Variants in DDX60L observed in about 807,000 individuals in gnomAD.
DDX60L encodes probable ATP-dependent RNA helicase DDX60-like.
A neutral mutation model predicts 211.6 loss-of-function variants in DDX60L; 191 were observed. The observed-to-expected ratio is 0.90, with a 90% CI of 0.80 to 1.02. The LOEUF (loss-of-function observed/expected upper bound fraction) is 1.02. DDX60L is among the 50% of genes least tolerant of loss of function. DDX60L has a pLI of 0.00. For missense variants in DDX60L, 2,007 were observed against 1,984.1 expected, an observed-to-expected ratio of 1.01 and a Z score of -0.22; for synonymous variants, 706 against 694.1, an observed-to-expected ratio of 1.02 and a Z score of -0.27.
intron 36 of DDX60L, among the ~76,000 whole-genome samples, chr4:168,364,738 G>A (rs114711926): frequency 0.013 from 2,009 of 152,124 alleles, 23 homozygotes; most frequent in Middle Eastern, 0.034. Context: ...TTTCTCAACC[G>A]TACATGGAAC....
At chr4:168,471,960 A>T in intron 3 of DDX60L, 24 bp from the exon 4 acceptor site, 1 of 1,526,806 alleles carries the variant, frequency 6.5e-7, no homozygotes, top group Non-Finnish European at 8.9e-7. Flanking sequence ...CAAAGAGAAT[A>T]AAAATCACAG....
rs749830333 is a variant in DDX60L, at chr4:168,394,547, C to A, written c.3728G>T (p.Arg1243Met). Residue 1243 changes from arginine (R) to methionine (M), a missense_variant, in exon 28 of 38, where the codon AGG (arginine) becomes ATG (methionine). Coordinates refer to ENST00000682922, the MANE Select transcript of DDX60L (RefSeq NM_001012967.3). The stretch of plus-strand genomic sequence containing the variant: ...GCTGCTGTGATGATATCCAATCCCC[C>A]TTTGTGCTAAAGCCTTCAGTTCTTT... ...HGKELKALAQ[R>M]GIGYHHSSMY... 3.1e-6 allele frequency: 5 copies of A among 1,613,626 alleles called. No individual in the cohort carries two copies. Among genetic ancestry groups the A allele is most frequent in the Non-Finnish European group, 4.2e-6 (5 of 1,179,702 alleles).
At position 168,428,774 on chromosome 4, in the gene DDX60L, C is replaced by T. The variant is rs2634972; in HGVS notation, c.1678-1452G>A. On this transcript the variant is annotated intron_variant, in intron 13 of 37. Transcript: ENST00000682922. ...GAATGATCGCAAAGTAGTACCTTCC[C>T]AAGCAGAACCATAAAATCTACCGTT... Among the ~76,000 whole-genome samples, 1,150 of 152,262 alleles carry T rather than the reference C, an allele frequency of 7.6e-3. 17 individuals carry two copies. Among genetic ancestry groups the T allele is most frequent in the African/African-American group, 0.025 (1,058 of 41,540 alleles).
intron 36 of DDX60L, among the ~76,000 whole-genome samples, chr4:168,370,669 T>C (rs1478893748): frequency 1.3e-5 from 2 of 152,214 alleles, no homozygotes; most frequent in Non-Finnish European, 2.9e-5. Context: ...GCAACATGTA[T>C]GTTTCACAAT....
At chr4:168,373,032 C>T (rs1368785940) in intron 35 of DDX60L, among the ~76,000 whole-genome samples, 1 of 151,924 alleles carries the variant, frequency 6.6e-6, no homozygotes. Flanking sequence ...AGATATCAAC[C>T]CAAACTGTGC....
At position 168,401,879 on chromosome 4, in the gene DDX60L, T is replaced by A. The variant is rs75423968; in HGVS notation, c.3339-901A>T. 1.0e-3 allele frequency among the ~76,000 whole-genome samples: 156 copies of A among 152,296 alleles called. 2 individuals carry two copies. In the East Asian group the frequency reaches 0.018, roughly 18 times the overall value. ...TACTATGCATGGTAAGAAGATCTGG[T>A]ATGTAAAAAAGCAAAAATAATAATA... On this transcript the variant is annotated intron_variant, in intron 25 of 37. Coordinates refer to ENST00000682922, the MANE Select transcript of DDX60L (RefSeq NM_001012967.3).
At chr4:168,412,107 C>G (rs563197757) in intron 22 of DDX60L, among the ~76,000 whole-genome samples, 1 of 152,056 alleles carries the variant, frequency 6.6e-6, no homozygotes, top group South Asian at 2.1e-4. Context: ...GGCCGTGTGC[C>G]TGGGGTGATA....
At chr4:168,464,232 C>T (rs1757677701) in intron 4 of DDX60L, among the ~76,000 whole-genome samples, 1 of 152,076 alleles carries the variant, frequency 6.6e-6, no homozygotes, top group African/African-American at 2.4e-5. Context: ...TCCAAGAACA[C>T]ATGGTACATT....
chr4:168,439,962 G>A (rs1371855324), intron 10 of DDX60L, among the ~76,000 whole-genome samples: 2 of 152,194 alleles, frequency 1.3e-5, no homozygotes, highest in African/African-American at 2.4e-5. Flanking sequence ...CACTTCACAA[G>A]AGGATATTCA....
At chr4:168,362,212 G>C (rs1739232271) in intron 36 of DDX60L, among the ~76,000 whole-genome samples, 1 of 152,206 alleles carries the variant, frequency 6.6e-6, no homozygotes, top group African/African-American at 2.4e-5. Context: ...GCATTTGCAT[G>C]TGCCTGGCCT....
At position 168,423,637 on chromosome 4, in the gene DDX60L, C is replaced by A. The variant is rs1336757558; in HGVS notation, c.2068G>T (p.Asp690Tyr). The change falls in exon 15 of 38, where the codon GAT (aspartate) becomes TAT (tyrosine). Residue 690 changes from aspartate (D) to tyrosine (Y), a missense_variant. Asp to Tyr is a radical substitution (Grantham distance 160, BLOSUM62 -3). Coordinates refer to ENST00000682922, the MANE Select transcript of DDX60L (RefSeq NM_001012967.3). The part of the protein sequence containing the change: ...AKCLKYLGFN[D>Y]LANSLDPTLI... ...GTTGGATCCAAAGAGTTTGCCAGAT[C>A]ATTAAAGCCTAAATATTTAAGGCAT... 1.3e-6 allele frequency: 2 copies of A among 1,586,630 alleles called. No individual in the cohort carries two copies. The highest frequency in any genetic ancestry group is 1.2e-5 in the South Asian group (1 of 85,338).
chr4:168,420,522 T>A (rs941747099), intron 17 of DDX60L, 142 bp from the exon 18 acceptor site: 2 of 840,468 alleles, frequency 2.4e-6, no homozygotes, highest in African/African-American at 2.1e-5. Context: ...GAAAATGAAA[T>A]GAAGTAGGGA....
rs1012890053 is a variant in DDX60L at position 168,430,552 on chromosome 4, A to G, written c.1603T>C (p.Ser535Pro). 6.2e-7 allele frequency: 1 copy of G among 1,610,594 alleles called. No individual in the cohort carries two copies. The highest frequency in any genetic ancestry group is 8.5e-7 in the Non-Finnish European group (1 of 1,178,558). The part of the protein sequence containing the change: ...QFYGKSLESI[S>P]TKVIVTQTTR... The stretch of plus-strand genomic sequence containing the variant: ...GTTTGAGTCACAATGACTTTCGTAG[A>G]GATTGATTCTAACGATTTCCCATAA... Residue 535 changes from serine to proline, a missense_variant, in exon 13 of 38, where the codon TCT becomes CCT. By Grantham distance (74) the Ser-to-Pro change is moderately conservative. Coordinates refer to ENST00000682922, the MANE Select transcript of DDX60L (RefSeq NM_001012967.3).
intron 37 of DDX60L, among the ~76,000 whole-genome samples, chr4:168,359,156 A>G (rs1241558902): frequency 1.3e-5 from 2 of 152,136 alleles, no homozygotes; most frequent in Non-Finnish European, 2.9e-5. Context: ...TTTCGTTTTC[A>G]TGCTCCACCT....
In DDX60L at chr4:168,405,905, A is replaced by AT. The variant is rs1405152233; in HGVS notation, c.3213+44dup. ...CTAAATTATTATGCAACTCCAAACAATTAACAATTAAGTGAAACTTTGTCC... is the reference window on the plus strand; with the variant it reads ...CTAAATTATTATGCAACTCCAAACAATTTAACAATTAAGTGAAACTTTGTCC... On this transcript the variant is annotated intron_variant, in intron 24 of 37. Transcript: ENST00000682922. 4.0e-6 allele frequency: 6 copies of AT among 1,507,648 alleles called. No individual in the cohort carries two copies. The African/African-American group carries it at 8.5e-5, about 21-fold the overall frequency. 93.4% of individuals were successfully genotyped at this position (1,507,648 alleles called of 1,614,324 possible). A position where few individuals can be genotyped will look rare whatever the true frequency, so the allele number is the denominator to read the frequency against.
At chr4:168,437,961 A>C (rs751487942) in intron 10 of DDX60L, among the ~76,000 whole-genome samples, 4 of 151,800 alleles carry the variant, frequency 2.6e-5, no homozygotes, top group Non-Finnish European at 5.9e-5. Context: ...GCAACCTCCA[A>C]CTCCTGGGTT....
Position 168,358,218 on chromosome 4 carries a change from G to T in DDX60L, c.5050C>A (p.Gln1684Lys). 6.2e-7 allele frequency: 1 copy of T among 1,605,130 alleles called. No homozygotes were observed. The highest frequency in any genetic ancestry group is 1.3e-5 in the African/African-American group (1 of 74,712). ...KRDNVVLAFK[Q>K]LSQTFYEKLQ... ...TTCTCATAAAAGGTTTGACTCAATT[G>T]TTTAAATGCCAGGACTACATTGTCA... is the stretch of plus-strand genomic sequence containing the variant. Residue 1684 changes from glutamine to lysine, a missense_variant, in exon 38 of 38, where the codon CAA becomes AAA. Transcript: ENST00000682922.
chr4:168,399,773 GA>G (rs1195811437), intron 26 of DDX60L, among the ~76,000 whole-genome samples: 1 of 151,756 alleles, frequency 6.6e-6, no homozygotes, highest in African/African-American at 2.4e-5. Context: ...ACCTTGGGGA[GA>G]AAGGAAAAAA....
intron 33 of DDX60L, among the ~76,000 whole-genome samples, chr4:168,376,538 A>T (rs558879140): frequency 5.3e-5 from 8 of 152,238 alleles, no homozygotes. Context: ...AACTCCTTAC[A>T]GTGGATAGTA....
Sources: allele counts gnomAD v4.1 joint callset (sites outside exome capture counted in the v4.1 genomes callset), GRCh38; gene constraint gnomAD v4.1.1; transcripts MANE v1.5; gene names NCBI Gene and HGNC (gene_info 2026-07-23, HGNC 2026-07-21).